CIBAR2: variants seen among roughly 807,000 people sequenced by gnomAD.
CIBAR2 encodes the protein CBY1 interacting BAR domain containing 2.
A neutral mutation model predicts 36.2 loss-of-function variants in CIBAR2; 38 were observed. That is an observed-to-expected ratio of 1.05 (90% CI 0.81 to 1.38). CIBAR2 has a LOEUF of 1.38. Ranked by LOEUF, CIBAR2 falls within the 40% of genes most tolerant of loss-of-function variation. The probability of loss-of-function intolerance (pLI) is 0.00; values close to 1 mark genes in which losing one functional copy is unlikely to be tolerated. For missense variants in CIBAR2, 481 were observed against 383.4 expected, an observed-to-expected ratio of 1.25 and a Z score of -2.13; for synonymous variants, 182 against 149.5, an observed-to-expected ratio of 1.22 and a Z score of -1.58.
rs1212094914 is a variant in CIBAR2, at chr16:85,099,044, A to G, written c.*141T>C. ...ACAGAATTGAACAAGTAGAAGAAGG[A>G]AATTCAGAGCTTGAAGACAAGGTCT... On this transcript the variant is annotated 3_prime_UTR_variant, in exon 9 of 9. Transcript: ENST00000539556. 9.8e-7 allele frequency: 1 copy of G among 1,018,178 alleles called. No homozygotes were observed. The highest frequency in any genetic ancestry group is 1.7e-5 in the African/African-American group (1 of 59,624). 63.1% of individuals were successfully genotyped at this position (1,018,178 alleles called of 1,614,324 possible).
intron 7 of CIBAR2, among the ~76,000 whole-genome samples, chr16:85,101,689 T>TC (rs34061536): frequency 6.6e-6 from 1 of 151,622 alleles, no homozygotes; most frequent in Non-Finnish European, 1.5e-5. Context: ...TTTTTTTTTT[T>TC]GATGGAGTCT....
chr16:85,106,229 G>A (rs757416677), intron 5 of CIBAR2, among the ~76,000 whole-genome samples: 5 of 152,068 alleles, frequency 3.3e-5, no homozygotes, highest in African/African-American at 4.8e-5. Context: ...GACTCCCCAC[G>A]CTCAGCACTA....
chr16:85,110,031 A>T (rs941264139), intron 2 of CIBAR2, among the ~76,000 whole-genome samples, 195 bp downstream of exon 2: 1 of 152,066 alleles, frequency 6.6e-6, no homozygotes, highest in African/African-American at 2.4e-5. Context: ...GACTCAGCAA[A>T]GCCTCCTAGG....
chr16:85,098,538 A>T lies in CIBAR2; in HGVS notation c.*647T>A. Reference sequence around the variant, plus strand: ...CCACCTGAGGATCCAAGGCCAGCTAAGTTCTTCTGACTGTTGTGGGCAGTT... The same window carrying T: ...CCACCTGAGGATCCAAGGCCAGCTATGTTCTTCTGACTGTTGTGGGCAGTT... On this transcript the variant is annotated 3_prime_UTR_variant, in exon 9 of 9. Transcript: ENST00000539556. 1.0e-6 allele frequency: 1 copy of T among 986,136 alleles called. No homozygotes were observed. The highest frequency in any genetic ancestry group is 1.2e-6 in the Non-Finnish European group (1 of 830,166). The allele number at this position is 986,136 out of a possible 1,614,324, so 61.1% of individuals were successfully genotyped here. A position where few individuals can be genotyped will look rare whatever the true frequency, so the allele number is the denominator to read the frequency against.
In CIBAR2 at chr16:85,099,183, C is replaced by T. The variant is rs149108081; in HGVS notation, c.*2G>A. 8 of 1,566,046 alleles carry T rather than the reference C, an allele frequency of 5.1e-6. No individual in the cohort carries two copies. The highest frequency in any genetic ancestry group is 1.9e-5 in the Admixed American group (1 of 52,230). On this transcript the variant is annotated 3_prime_UTR_variant, in exon 9 of 9. Coordinates refer to ENST00000539556, the MANE Select transcript of CIBAR2 (RefSeq NM_198491.3). ...GCTTGGGATTGCACTTACCCTACGTCGTTAGAGAGAATGTCCTGGAAGCAT... is the reference window on the plus strand; with the variant it reads ...GCTTGGGATTGCACTTACCCTACGTTGTTAGAGAGAATGTCCTGGAAGCAT...
At chr16:85,105,456 G>C (rs1256895714) in intron 5 of CIBAR2, 25 bp from the exon 6 acceptor site, 11 of 1,567,824 alleles carry the variant, frequency 7.0e-6, no homozygotes, top group Non-Finnish European at 9.7e-6. Flanking sequence ...ACAAGACGTA[G>C]AAAGTGTCAT....
intron 5 of CIBAR2, among the ~76,000 whole-genome samples, chr16:85,106,988 A>C (rs1332802753): frequency 6.6e-6 from 1 of 152,206 alleles, no homozygotes; most frequent in African/African-American, 2.4e-5. Context: ...TCTGCTAAAA[A>C]TATAAAAATT....
At position 85,100,205 on chromosome 16, in the gene CIBAR2, A is replaced by C. The variant is rs1469724103; in HGVS notation, c.687T>G (p.His229Gln). The change falls in exon 8 of 9, where the codon CAT (histidine) becomes CAG (glutamine). Residue 229 changes from histidine to glutamine, a missense_variant. His to Gln is a conservative substitution (Grantham distance 24). Transcript: ENST00000539556. Reference protein sequence around the residue: ...FRAKMQGVYGHYDTRLLANTS... With the variant: ...FRAKMQGVYGQYDTRLLANTS... ...TGTTGGCAAGCAGCCGAGTGTCATA[A>C]TGCCCATAAACTCCTTGCATCTTGG... 49 of 1,611,366 alleles carry C rather than the reference A, an allele frequency of 3.0e-5. No individual in the cohort carries two copies. The highest frequency in any genetic ancestry group is 4.2e-5 in the Non-Finnish European group (49 of 1,179,148).
At chr16:85,102,351 A>T (rs2073962475) in intron 6 of CIBAR2, 24 bp from the exon 7 acceptor site, 4 of 1,418,992 alleles carry the variant, frequency 2.8e-6, no homozygotes, top group Middle Eastern at 1.8e-4. Flanking sequence ...AACCCAAAGA[A>T]TGTAAGCATC....
chr16:85,104,740 C>T (rs533741010), intron 6 of CIBAR2, among the ~76,000 whole-genome samples: 2 of 152,132 alleles, frequency 1.3e-5, no homozygotes, highest in African/African-American at 4.8e-5. Context: ...AAATAAAATC[C>T]CCATGGTGGT....
chr16:85,105,852 G>A (rs2073992047), intron 5 of CIBAR2, among the ~76,000 whole-genome samples: 1 of 152,146 alleles, frequency 6.6e-6, no homozygotes, highest in East Asian at 1.9e-4. Context: ...TCGTTCCTTT[G>A]ATCAACATCT....
Position 85,110,373 on chromosome 16 carries a change from C to T in CIBAR2, c.108G>A (p.Thr36=), listed in dbSNP as rs143497220. Residue 36 remains threonine, a synonymous_variant, in exon 2 of 9, where the codon ACG becomes ACA. Coordinates refer to ENST00000539556, the MANE Select transcript of CIBAR2 (RefSeq NM_198491.3). Reference sequence around the variant, plus strand: ...TGTCCCGCAGCCGGGCCGTCTTGCGCGTGTAGGCGGCCAGCAGCGAGCAGA... The same window carrying T: ...TGTCCCGCAGCCGGGCCGTCTTGCGTGTGTAGGCGGCCAGCAGCGAGCAGA... ...GQFCSLLAAY[T]RKTARLRDKA... The T allele has an allele frequency of 2.0e-5, 33 of 1,613,444 alleles. No individual in the cohort carries two copies. In the African/African-American group the frequency reaches 3.3e-4, roughly 16 times the overall value.
At chr16:85,109,437 C>T (rs1028499946) in intron 2 of CIBAR2, among the ~76,000 whole-genome samples, 1 of 152,172 alleles carries the variant, frequency 6.6e-6, no homozygotes, top group Admixed American at 6.5e-5. Context: ...AGTGCCGTTT[C>T]TGTCTGTGCG....
chr16:85,100,769 C>T (rs1011866775), intron 7 of CIBAR2, among the ~76,000 whole-genome samples: 13 of 152,124 alleles, frequency 8.5e-5, no homozygotes, highest in African/African-American at 2.7e-4. Context: ...GATTGAGTGC[C>T]GGGCGCGGTG....
chr16:85,103,296 C>T (rs971805226), intron 6 of CIBAR2, among the ~76,000 whole-genome samples: 1 of 152,294 alleles, frequency 6.6e-6, no homozygotes, highest in African/African-American at 2.4e-5. Context: ...GCTGGAGCCT[C>T]GGTCTTGGAC....
At chr16:85,107,969 G>C in intron 3 of CIBAR2, 22 bp from the exon 4 acceptor site, 1 of 1,613,472 alleles carries the variant, frequency 6.2e-7, no homozygotes, top group Non-Finnish European at 8.5e-7. Flanking sequence ...GAGGAGGGTT[G>C]TTTCCTGGGA....
chr16:85,103,203 G>T (rs2073969191), intron 6 of CIBAR2, among the ~76,000 whole-genome samples: 1 of 152,144 alleles, frequency 6.6e-6, no homozygotes, highest in Non-Finnish European at 1.5e-5. Flanking sequence ...AGACTGGAGG[G>T]AGCTTTTCTG....
chr16:85,102,137 C>T (rs542850658), intron 7 of CIBAR2, 77 bp downstream of exon 7: 7 of 791,564 alleles, frequency 8.8e-6, no homozygotes, highest in South Asian at 3.0e-5. Context: ...CCAACAAAAA[C>T]GACTTCTATC....
At position 85,103,096 on chromosome 16, in the gene CIBAR2, T is replaced by C. The variant is rs2073968578; in HGVS notation, c.538-769A>G. On this transcript the variant is annotated intron_variant, in intron 6 of 8. Transcript: ENST00000539556. ...TTTGTATTTTTTAGTAGGGACAGGGTTTCACAATGTTGGCCAGGATGGTCT... is the reference window on the plus strand; with the variant it reads ...TTTGTATTTTTTAGTAGGGACAGGGCTTCACAATGTTGGCCAGGATGGTCT... 2.0e-5 allele frequency among the ~76,000 whole-genome samples: 3 copies of C among 152,092 alleles called. No individual in the cohort carries two copies. In the South Asian group the frequency reaches 6.2e-4, roughly 32 times the overall value.
Sources: allele counts gnomAD v4.1 joint callset (sites outside exome capture counted in the v4.1 genomes callset), GRCh38; gene constraint gnomAD v4.1.1; transcripts MANE v1.5; gene names NCBI Gene and HGNC (gene_info 2026-07-23, HGNC 2026-07-21).